Variants in LPA observed in about 807,000 individuals in gnomAD.
The protein encoded by LPA is apolipoprotein(a).
A neutral mutation model predicts 197.9 loss-of-function variants in LPA; 199 were observed. The observed-to-expected ratio is 1.01, with a 90% CI of 0.90 to 1.13. LPA has a LOEUF of 1.13. Among genes scored for constraint, LPA ranks in the 50% most tolerant of loss-of-function variants. The pLI is 0.00. For missense variants in LPA, 1,853 were observed against 1,785.8 expected (o/e 1.04, Z -0.68); for synonymous variants, 715 against 639.5 (o/e 1.12, Z -1.78).
chr6:160,547,873 T>A lies in LPA; in HGVS notation c.5220A>T (p.Pro1740=). 3 of 1,614,126 alleles carry A rather than the reference T, an allele frequency of 1.9e-6. No individual in the cohort carries two copies. The highest frequency in any genetic ancestry group is 2.5e-6 in the Non-Finnish European group (3 of 1,180,010). Residue 1740 remains proline (P), a synonymous_variant, in exon 32 of 39, where the codon CCA becomes CCT. Transcript: ENST00000316300. ...GCTCCTGGGCAGCCCATTCCTGGCA[T>A]GGCGTCCCAGTAACAGTGGTTGCCT... The part of the protein sequence containing the change: ...GKKATTVTGT[P]CQEWAAQEPH...
chr6:160,570,401 C>G (rs537845195), intron 28 of LPA, among the ~76,000 whole-genome samples: 2 of 152,080 alleles, frequency 1.3e-5, no homozygotes, highest in African/African-American at 4.8e-5. Context: ...ATCCAAACAC[C>G]GAATGTTCTC....
chr6:160,543,138 A>G lies in LPA; in HGVS notation c.5399-330T>C, dbSNP rs41265928. Among the ~76,000 whole-genome samples, 396 of 152,304 alleles carry G rather than the reference A, an allele frequency of 2.6e-3. 1 individual carries two copies. The highest frequency in any genetic ancestry group is 9.1e-3 in the African/African-American group (378 of 41,554). ...TTTATGTAGCAAGGATAACTGTCCT[A>G]TGTTGAAATGTTGCCTTCTCTCAGC... On this transcript the variant is annotated intron_variant, in intron 33 of 38. Coordinates refer to ENST00000316300, the MANE Select transcript of LPA (RefSeq NM_005577.4).
At chr6:160,590,349 G>A (rs1779001974) in intron 23 of LPA, among the ~76,000 whole-genome samples, 1 of 152,180 alleles carries the variant, frequency 6.6e-6, no homozygotes, top group South Asian at 2.1e-4. Context: ...CGTGTTCCAT[G>A]AGAAGGAGGG....
At chr6:160,559,866 G>C (rs1384537394) in intron 28 of LPA, among the ~76,000 whole-genome samples, 1 of 152,122 alleles carries the variant, frequency 6.6e-6, no homozygotes, top group Non-Finnish European at 1.5e-5. Context: ...AGGTATACAC[G>C]TGTCATGGTG....
Position 160,649,460 on chromosome 6 carries a change from G to A in LPA, c.209+878C>T, listed in dbSNP as rs145079384. ...ACAAATCTGTTCTCATTGTTAGCAG[G>A]CCTAGAAAATCCTAGCCACCTGAAT... On this transcript the variant is annotated intron_variant, in intron 2 of 38. Transcript: ENST00000316300. Among the ~76,000 whole-genome samples, 57 of 152,202 alleles carry A rather than the reference G, an allele frequency of 3.7e-4. No individual in the cohort carries two copies. The East Asian group carries it at 0.01, about 28-fold the overall frequency.
intron 18 of LPA, 73 bp from the exon 19 acceptor site, chr6:160,601,171 C>T (rs1320180098): frequency 5.1e-6 from 7 of 1,368,148 alleles, no homozygotes; most frequent in Non-Finnish European, 5.2e-6. Flanking sequence ...TTTGCTACAA[C>T]AAGGTCATTA....
chr6:160,658,981 AG>A (rs1327264992), intron 1 of LPA, among the ~76,000 whole-genome samples: 2 of 152,020 alleles, frequency 1.3e-5, no homozygotes, highest in Non-Finnish European at 2.9e-5. Context: ...ACTCACACAA[AG>A]GGGAGCTTAT....
At chr6:160,606,326 A>G in intron 17 of LPA, 151 bp downstream of exon 17, 2 of 1,200,676 alleles carry the variant, frequency 1.7e-6, no homozygotes, top group Non-Finnish European at 2.4e-6. Context: ...TGGCTCCCCC[A>G]GAGAGTGCAC....
intron 28 of LPA, among the ~76,000 whole-genome samples, chr6:160,574,125 TAGG>T (rs1778612132): frequency 6.6e-6 from 1 of 152,008 alleles, no homozygotes. Flanking sequence ...GTTGTGTACC[TAGG>T]AGGATTATGG....
intron 28 of LPA, among the ~76,000 whole-genome samples, chr6:160,564,683 C>T (rs940132108): frequency 6.6e-5 from 10 of 152,128 alleles, no homozygotes; most frequent in Non-Finnish European, 1.2e-4. Flanking sequence ...GAGAGTGAGC[C>T]GAAGCAAGGC....
intron 30 of LPA, 43 bp from the exon 31 acceptor site, chr6:160,548,702 T>C (rs758555815): frequency 1.6e-5 from 26 of 1,602,396 alleles, no homozygotes; most frequent in Middle Eastern, 3.3e-4. Flanking sequence ...GGCGGAAGAA[T>C]ATTCAGGGAC....
chr6:160,591,713 TG>T (rs1463959293), intron 22 of LPA, among the ~76,000 whole-genome samples: 1 of 152,268 alleles, frequency 6.6e-6, no homozygotes, highest in Non-Finnish European at 1.5e-5. Context: ...GTCTGTCATC[TG>T]TTCAGCCAGA....
chr6:160,585,013 T>A, intron 26 of LPA, 33 bp downstream of exon 26: 22 of 1,611,694 alleles, frequency 1.4e-5, no homozygotes, highest in Non-Finnish European at 1.9e-5. Flanking sequence ...TAGTTGACTA[T>A]TGTTCCTTTT....
intron 35 of LPA, among the ~76,000 whole-genome samples, chr6:160,540,617 G>A (rs1372886564): frequency 6.6e-6 from 1 of 152,114 alleles, no homozygotes; most frequent in East Asian, 1.9e-4. Flanking sequence ...TCCTGCTCTG[G>A]CCATGTGACA....
intron 1 of LPA, among the ~76,000 whole-genome samples, chr6:160,660,040 T>A (rs1431180012): frequency 6.6e-6 from 1 of 152,274 alleles, no homozygotes; most frequent in Non-Finnish European, 1.5e-5. Context: ...ATATTGCAAA[T>A]CATTATTAAG....
intron 1 of LPA, among the ~76,000 whole-genome samples, chr6:160,652,775 A>C (rs1203808453): frequency 6.6e-6 from 1 of 152,130 alleles, no homozygotes; most frequent in Non-Finnish European, 1.5e-5. Context: ...CAACATTTTG[A>C]GAGGGAGGAA....
chr6:160,558,829 A>T (rs1252987237), intron 28 of LPA, among the ~76,000 whole-genome samples: 1 of 152,124 alleles, frequency 6.6e-6, no homozygotes, highest in East Asian at 1.9e-4. Flanking sequence ...AACTTGTCAG[A>T]ATCCTCAGAT....
chr6:160,534,385 T>C (rs1443203480), intron 37 of LPA, among the ~76,000 whole-genome samples: 1 of 152,202 alleles, frequency 6.6e-6, no homozygotes, highest in Non-Finnish European at 1.5e-5. Flanking sequence ...TGCCATCTCG[T>C]GGCCAATGTA....
intron 29 of LPA, among the ~76,000 whole-genome samples, chr6:160,557,137 C>G (rs902551153): frequency 7.2e-5 from 11 of 152,158 alleles, no homozygotes; most frequent in Non-Finnish European, 1.5e-4. Flanking sequence ...TTGTCTGGAA[C>G]ACCGAGATAA....
Sources: gnomAD v4.1 joint callset for allele counts (sites outside exome capture counted in the v4.1 genomes callset) on GRCh38, gnomAD v4.1.1 for gene constraint, MANE v1.5 for transcripts, NCBI Gene and HGNC (gene_info 2026-07-23, HGNC 2026-07-21) for gene names.